Variants in TTC27 observed in about 807,000 individuals in gnomAD.
TTC27 encodes the protein tetratricopeptide repeat domain 27, also known as tetratricopeptide repeat protein 27.
Under a neutral mutation model 115.9 loss-of-function variants are expected in TTC27, and 79 were observed. The ratio of observed to expected loss-of-function variants is 0.68; its 90% CI spans 0.57 to 0.82. The LOEUF is 0.82. TTC27 is among the 40% of genes least tolerant of loss of function. TTC27 has a pLI of 0.00. For missense variants in TTC27, 1,054 were observed against 993.1 expected, an observed-to-expected ratio of 1.06 and a Z score of -0.82; for synonymous variants, 401 against 356.0, an observed-to-expected ratio of 1.13 and a Z score of -1.42.
intron 12 of TTC27, among the ~76,000 whole-genome samples, chr2:32,750,317 C>T (rs1013656289): frequency 3.8e-4 from 58 of 152,208 alleles, no homozygotes; most frequent in African/African-American, 1.4e-3. Flanking sequence ...ACAAGGTATA[C>T]ACACAGAGCA....
At chr2:32,692,541 T>G (rs958547029) in intron 9 of TTC27, among the ~76,000 whole-genome samples, 2 of 152,182 alleles carry the variant, frequency 1.3e-5, no homozygotes, top group African/African-American at 4.8e-5. Flanking sequence ...GTTTAAAAAT[T>G]GTTAAAATGG....
In TTC27 at chr2:32,646,273, C is replaced by G. The variant is rs374542446; in HGVS notation, c.538-3858C>G. On this transcript the variant is annotated intron_variant, in intron 4 of 19. Coordinates refer to ENST00000317907, the MANE Select transcript of TTC27 (RefSeq NM_017735.5). ...TCGATCTCCTGACCTCGTGATCCAC[C>G]TGCCTTGGCCTCCCACAGTGCTGGG... Among the ~76,000 whole-genome samples, 4 of 148,712 alleles carry G rather than the reference C, an allele frequency of 2.7e-5. No homozygotes were observed. In the East Asian group the frequency reaches 8.1e-4, roughly 30 times the overall value.
At chr2:32,632,395 A>G (rs1664254320) in intron 2 of TTC27, among the ~76,000 whole-genome samples, 1 of 152,114 alleles carries the variant, frequency 6.6e-6, no homozygotes, top group Non-Finnish European at 1.5e-5. Flanking sequence ...ACACAAATGC[A>G]TTATTCACTG....
intron 15 of TTC27, among the ~76,000 whole-genome samples, chr2:32,784,045 G>A (rs1572610463): frequency 6.6e-6 from 1 of 152,236 alleles, no homozygotes. Flanking sequence ...GTTCTTGATT[G>A]CAACTGATAG....
intron 10 of TTC27, among the ~76,000 whole-genome samples, chr2:32,727,669 T>C (rs1235459383): frequency 6.6e-6 from 1 of 152,198 alleles, no homozygotes; most frequent in Non-Finnish European, 1.5e-5. Flanking sequence ...GATCTAGCTA[T>C]CATCTATTAT....
At chr2:32,712,697 G>A (rs891345952) in intron 10 of TTC27, among the ~76,000 whole-genome samples, 1 of 151,712 alleles carries the variant, frequency 6.6e-6, no homozygotes, top group African/African-American at 2.4e-5. Flanking sequence ...ACAGGTGTGC[G>A]TCACCACGTC....
In TTC27 at chr2:32,628,241, T is replaced by A; in HGVS notation, c.-52T>A. On this transcript the variant is annotated 5_prime_UTR_variant, in exon 1 of 20. Transcript: ENST00000317907. ...CCTGTTTTCACTTTCTTTTGTTGAC[T>A]CCCGTGTGGCCCTCGTGGGAGCCTG... is the stretch of plus-strand genomic sequence containing the variant. 4 of 1,544,970 alleles carry A rather than the reference T, an allele frequency of 2.6e-6. No homozygotes were observed. Among genetic ancestry groups the A allele is most frequent in the Non-Finnish European group, 3.5e-6 (4 of 1,133,034 alleles).
rs192023005 is a variant in TTC27 at position 32,758,093 on chromosome 2, C to T, written c.1453-199C>T. ...TATTGCAGTGGTCTGGGACCAAACC[C>T]GCAATATCTCTGAGGTATGCCTGTA... is the stretch of plus-strand genomic sequence containing the variant. On this transcript the variant is annotated intron_variant, in intron 12 of 19. Coordinates refer to ENST00000317907, the MANE Select transcript of TTC27 (RefSeq NM_017735.5). Among the ~76,000 whole-genome samples the T allele has an allele frequency of 4.1e-3, 617 of 152,244 alleles. 4 individuals are homozygous for T. The highest frequency in any genetic ancestry group is 0.021 in the South Asian group (102 of 4,816).
chr2:32,660,946 T>G (rs1296153263), intron 5 of TTC27, among the ~76,000 whole-genome samples: 1 of 152,254 alleles, frequency 6.6e-6, no homozygotes, highest in East Asian at 1.9e-4. Flanking sequence ...AATTTTTGTA[T>G]AAGGTGTAAG....
chr2:32,712,795 C>T (rs1667626375), intron 10 of TTC27, among the ~76,000 whole-genome samples: 2 of 152,288 alleles, frequency 1.3e-5, no homozygotes, highest in East Asian at 3.9e-4. Flanking sequence ...TATTCACCTT[C>T]CTTCGCCTCC....
At chr2:32,775,187 C>T (rs1386427821) in intron 13 of TTC27, among the ~76,000 whole-genome samples, 1 of 152,050 alleles carries the variant, frequency 6.6e-6, no homozygotes, top group Non-Finnish European at 1.5e-5. Context: ...TTTGAATTTA[C>T]ATGTGTTTTT....
At chr2:32,719,008 G>C (rs1273526914) in intron 10 of TTC27, among the ~76,000 whole-genome samples, 2 of 152,178 alleles carry the variant, frequency 1.3e-5, no homozygotes, top group South Asian at 2.1e-4. Context: ...AGCCTAGGGG[G>C]CAGAGGAGGC....
intron 8 of TTC27, among the ~76,000 whole-genome samples, chr2:32,675,682 G>C (rs1666171733): frequency 6.6e-6 from 1 of 152,184 alleles, no homozygotes; most frequent in Non-Finnish European, 1.5e-5. Flanking sequence ...TATATTGGCT[G>C]ATCTCTGTCT....
At chr2:32,773,200 A>C (rs549614716) in intron 13 of TTC27, among the ~76,000 whole-genome samples, 1 of 152,300 alleles carries the variant, frequency 6.6e-6, no homozygotes, top group African/African-American at 2.4e-5. Flanking sequence ...GTCAGCTTTG[A>C]AAGGTTATTG....
intron 8 of TTC27, 94 bp from the exon 9 acceptor site, chr2:32,678,762 A>C: frequency 1.1e-6 from 1 of 875,056 alleles, no homozygotes. Context: ...CAAATATATA[A>C]AATATAGCAG....
intron 4 of TTC27, among the ~76,000 whole-genome samples, chr2:32,645,012 T>C (rs1664803590): frequency 6.6e-6 from 1 of 151,960 alleles, no homozygotes; most frequent in African/African-American, 2.4e-5. Context: ...TTTCTCTTAA[T>C]GGTGTTATTA....
intron 9 of TTC27, among the ~76,000 whole-genome samples, chr2:32,690,140 A>G (rs1269250098): frequency 6.6e-6 from 1 of 152,204 alleles, no homozygotes; most frequent in African/African-American, 2.4e-5. Context: ...GATGAAGAAA[A>G]AAACATGGTT....
At chr2:32,700,901 G>A (rs1667162572) in intron 9 of TTC27, among the ~76,000 whole-genome samples, 2 of 152,086 alleles carry the variant, frequency 1.3e-5, no homozygotes, top group Non-Finnish European at 2.9e-5. Context: ...ACATTTTAAA[G>A]AATTAGTTTT....
At chr2:32,815,223 A>ATTTTTT (rs533493768) in intron 18 of TTC27, among the ~76,000 whole-genome samples, 4,781 of 55,524 alleles carry the variant, frequency 0.086, 1,274 homozygotes, top group East Asian at 0.14. Flanking sequence ...GCTGCTTCAG[A>ATTTTTT]TTTTTTTTTT....
Sources: allele counts gnomAD v4.1 joint callset (sites outside exome capture counted in the v4.1 genomes callset), GRCh38; gene constraint gnomAD v4.1.1; transcripts MANE v1.5; gene names NCBI Gene and HGNC (gene_info 2026-07-23, HGNC 2026-07-21).